The following ANK1 variants were observed in gnomAD, a reference collection of about 807,000 sequenced individuals.
ANK1 encodes the protein ankyrin-1.
ANK1 carries 51 observed loss-of-function variants against 210.4 expected under a neutral mutation model. That is an observed-to-expected ratio of 0.24 (90% CI 0.19 to 0.31). ANK1 has a LOEUF of 0.31. Ranked by LOEUF, ANK1 falls within the 10% of genes least tolerant of loss-of-function variation. The pLI is 1.00. For synonymous variants in ANK1, 967 were observed against 1,025.9 expected (o/e 0.94, Z 1.10); for missense variants, 2,051 against 2,504.4 (o/e 0.82, Z 3.86).
At position 41,719,803 on chromosome 8, in the gene ANK1, C is replaced by A. The variant is rs183864227; in HGVS notation, c.965G>T (p.Arg322Leu). ...AAQGDHLDCVRLLLQYDAEID... is the reference protein window; with the variant it reads ...AAQGDHLDCVLLLLQYDAEID... Reference sequence around the variant, plus strand: ...CTCTGCGTCGTATTGCAACAGGAGCCGGACACAGTCGAGGTGGTCTCCCTG... The same window carrying A: ...CTCTGCGTCGTATTGCAACAGGAGCAGGACACAGTCGAGGTGGTCTCCCTG... The change falls in exon 10 of 43, where the codon CGG (arginine) becomes CTG (leucine). Residue 322 changes from arginine to leucine, a missense_variant. Around this residue, in one of 6 missense-constraint regions of ANK1, gnomAD observed 1,413 missense variants for 1,707.4 expected, o/e 0.83. Transcript: ENST00000289734. 151 of 1,614,184 alleles carry A rather than the reference C, an allele frequency of 9.4e-5. No homozygotes were observed. The highest frequency in any genetic ancestry group is 6.6e-4 in the Middle Eastern group (4 of 6,062).
chr8:41,802,957 G>A (rs1186599282), intron 1 of ANK1, among the ~76,000 whole-genome samples: 2 of 57,558 alleles, frequency 3.5e-5, no homozygotes, highest in African/African-American at 9.1e-5. Context: ...AAGGGGGGGG[G>A]GGAGAGAGAG....
At chr8:41,748,548 T>A (rs1836752821) in intron 2 of ANK1, among the ~76,000 whole-genome samples, 1 of 152,176 alleles carries the variant, frequency 6.6e-6, no homozygotes, top group Non-Finnish European at 1.5e-5. Context: ...GCCTTTGCAG[T>A]CTGTTCCTTC....
intron 2 of ANK1, among the ~76,000 whole-genome samples, chr8:41,751,386 G>C (rs920134242): frequency 4.6e-5 from 7 of 152,190 alleles, no homozygotes; most frequent in Non-Finnish European, 1.0e-4. Context: ...AGACCTGCTC[G>C]ATGTTACCAA....
rs1035995121 is a variant in ANK1 at position 41,797,490 on chromosome 8, C to G, written c.27+22G>C. 1.1e-5 allele frequency: 17 copies of G among 1,610,568 alleles called. No homozygotes were observed. Among genetic ancestry groups the G allele is most frequent in the South Asian group, 4.4e-5 (4 of 90,800 alleles). On this transcript the variant is annotated intron_variant, in intron 1 of 42. Coordinates refer to ENST00000289734, the MANE Select transcript of ANK1 (RefSeq NM_000037.4). This position sits in a 1 kb window ranked among gnomAD's most constrained non-coding sequence, Gnocchi z 4.0. The stretch of plus-strand genomic sequence containing the variant: ...CCCTCCTGACATCTCCCCGTCCACC[C>G]GAGCAGCCGCCCAGTACTCACTTCG...
chr8:41,803,062 A>G, intron 1 of ANK1, among the ~76,000 whole-genome samples: 3 of 70,488 alleles, frequency 4.3e-5, no homozygotes, highest in African/African-American at 2.0e-4. Flanking sequence ...AAAGAGAGAA[A>G]GGAAGGAAGG....
At chr8:41,811,524 G>A (rs7842274) in intron 1 of ANK1, among the ~76,000 whole-genome samples, 154 of 94,224 alleles carry the variant, frequency 1.6e-3, no homozygotes, top group African/African-American at 7.5e-3. Context: ...AGCCCCATTC[G>A]GAATAAACCC....
At chr8:41,711,374 CA>C (rs1042367993) in intron 16 of ANK1, among the ~76,000 whole-genome samples, 6 of 152,362 alleles carry the variant, frequency 3.9e-5, no homozygotes, top group Admixed American at 2.6e-4. Flanking sequence ...GGAGGTTGGA[CA>C]CGCCTTGCTA....
At chr8:41,793,002 T>A (rs987871686) in intron 1 of ANK1, among the ~76,000 whole-genome samples, 7 of 152,228 alleles carry the variant, frequency 4.6e-5, no homozygotes, top group African/African-American at 1.7e-4. Context: ...AGTTTCTGAA[T>A]ATTATATAAA....
chr8:41,716,808 T>C, intron 13 of ANK1, 145 bp downstream of exon 13: 1 of 830,958 alleles, frequency 1.2e-6, no homozygotes. Flanking sequence ...AAGCAGAATC[T>C]GGGCGCTCAG....
At chr8:41,739,643 C>T (rs542779432) in intron 2 of ANK1, among the ~76,000 whole-genome samples, 1 of 149,738 alleles carries the variant, frequency 6.7e-6, no homozygotes, top group East Asian at 2.0e-4. Flanking sequence ...GCCTCTTCTT[C>T]TGTGAAGTTG....
chr8:41,740,402 T>C (rs7826747), intron 2 of ANK1, among the ~76,000 whole-genome samples: 36,143 of 151,696 alleles, frequency 0.24, 4,782 homozygotes, highest in South Asian at 0.29. Flanking sequence ...TTAGGTAGTC[T>C]ACCCGTCTCG....
intron 1 of ANK1, among the ~76,000 whole-genome samples, chr8:41,833,285 T>C (rs1807016990): frequency 6.6e-6 from 1 of 152,196 alleles, no homozygotes; most frequent in Non-Finnish European, 1.5e-5. Flanking sequence ...CAGTCACCCC[T>C]GGTGGCCCAC....
At chr8:41,845,916 G>A (rs1411090183) in intron 1 of ANK1, among the ~76,000 whole-genome samples, 1 of 152,176 alleles carries the variant, frequency 6.6e-6, no homozygotes, top group Non-Finnish European at 1.5e-5. Context: ...GTCACCAAAA[G>A]TCCTGCTTTC....
intron 3 of ANK1, among the ~76,000 whole-genome samples, chr8:41,728,527 A>C (rs1831288718): frequency 6.6e-6 from 1 of 152,150 alleles, no homozygotes; most frequent in African/African-American, 2.4e-5. Context: ...TATCCATGGA[A>C]CAAAGCTGCA....
Position 41,702,144 on chromosome 8 carries a change from C to T in ANK1, c.2296G>A (p.Asp766Asn), listed in dbSNP as rs779145741. ...NGASPNEVSS[D>N]GTTPLAIAKR... ...GCTATGGCCAGAGGTGTGGTTCCAT[C>T]CTGGGGAAAGAGCAGCCCGGGTGCA... Residue 766 changes from aspartate (D) to asparagine (N), a missense_variant and splice_region_variant, in exon 21 of 43, where the codon GAT (aspartate) becomes AAT (asparagine). Asp to Asn is a conservative substitution (Grantham distance 23). Transcript: ENST00000289734. The T allele has an allele frequency of 1.4e-5, 23 of 1,613,856 alleles. No homozygotes were observed. Among genetic ancestry groups the T allele is most frequent in the Non-Finnish European group, 1.7e-5 (20 of 1,179,936 alleles).
At chr8:41,680,209 T>C (rs1815531668) in intron 37 of ANK1, among the ~76,000 whole-genome samples, 1 of 152,172 alleles carries the variant, frequency 6.6e-6, no homozygotes, top group Non-Finnish European at 1.5e-5. Context: ...TGGATTCCTT[T>C]TGTGAGTTTC....
chr8:41,684,370 C>G, intron 37 of ANK1, 174 bp downstream of exon 37: 1 of 1,087,310 alleles, frequency 9.2e-7, no homozygotes, highest in Non-Finnish European at 1.4e-6. Flanking sequence ...TCTCTCTCTC[C>G]TTCGCCTCTG....
chr8:41,795,362 A>G (rs900414006), intron 1 of ANK1, among the ~76,000 whole-genome samples: 2 of 152,006 alleles, frequency 1.3e-5, no homozygotes, highest in African/African-American at 4.8e-5. Context: ...TACAAAAATT[A>G]TCCAAGCATG....
intron 39 of ANK1, among the ~76,000 whole-genome samples, chr8:41,666,038 G>C (rs1201579026): frequency 6.6e-6 from 1 of 152,232 alleles, no homozygotes; most frequent in African/African-American, 2.4e-5. Context: ...CAGCATGGCA[G>C]AAAGAACACA....
Sources: allele counts gnomAD v4.1 joint callset (sites outside exome capture counted in the v4.1 genomes callset), GRCh38; gene constraint gnomAD v4.1.1; regional missense constraint gnomAD v4.1.1; non-coding constraint Gnocchi (gnomAD v3.1); transcripts MANE v1.5; gene names NCBI Gene and HGNC (gene_info 2026-07-23, HGNC 2026-07-21).